Variants in DGKI observed in about 807,000 individuals in gnomAD.
The protein encoded by DGKI is DAG kinase iota.
In DGKI, 55 loss-of-function variants were observed where a neutral mutation model predicts 147.5. The observed-to-expected ratio is 0.37, with a 90% CI of 0.30 to 0.47. The LOEUF (loss-of-function observed/expected upper bound fraction) is 0.47. Ranked by LOEUF, DGKI falls within the 20% of genes least tolerant of loss-of-function variation. The pLI, the probability that DGKI is intolerant of heterozygous loss-of-function variation, is 1.00. For missense variants in DGKI, 1,007 were observed against 1,323.8 expected (o/e 0.76, Z 3.71); for synonymous variants, 469 against 477.1 (o/e 0.98, Z 0.22).
chr7:137,472,371 T>TATATGTATATATACATATAATA (rs1563040364), intron 23 of DGKI, among the ~76,000 whole-genome samples: 3 of 28,572 alleles, frequency 1.0e-4, no homozygotes, highest in Non-Finnish European at 2.1e-4. Flanking sequence ...TACATATAAT[T>TATATGTATATATACATATAATA]ATTATATGTA....
chr7:137,513,205 A>G (rs1816635627), intron 21 of DGKI, among the ~76,000 whole-genome samples: 1 of 152,168 alleles, frequency 6.6e-6, no homozygotes, highest in African/African-American at 2.4e-5. Flanking sequence ...AGCACCAAGT[A>G]CACCAAGCTA....
At position 137,846,706 on chromosome 7, in the gene DGKI, T is replaced by G; in HGVS notation, c.157A>C (p.Met53Leu). 1 of 1,037,716 alleles carries G rather than the reference T, an allele frequency of 9.6e-7. No homozygotes were observed. Among genetic ancestry groups the G allele is most frequent in the Non-Finnish European group, 1.2e-6 (1 of 863,546 alleles). 64.3% of individuals were successfully genotyped at this position (1,037,716 alleles called of 1,614,324 possible). The change falls in exon 1 of 33, where the codon ATG becomes CTG. Residue 53 changes from methionine (M) to leucine (L), a missense_variant. Physicochemically the swap from Met to Leu is conservative, Grantham distance 15 (BLOSUM62 2). Around this residue, in one of 5 missense-constraint regions of DGKI, gnomAD observed 137 missense variants for 114.4 expected, o/e 1.20. Coordinates refer to ENST00000614521, the MANE Select transcript of DGKI (RefSeq NM_001321708.2). This position sits in a 1 kb window ranked among gnomAD's most constrained non-coding sequence, Gnocchi z 4.0. ...APSAAAGAGAMNPSSSAGEEK... is the reference protein window; with the variant it reads ...APSAAAGAGALNPSSSAGEEK... ...TCTCCCGCCGAGGAGCTGGGGTTCA[T>G]GGCGCCCGCTCCGGCGGCCGCGGAG...
chr7:137,435,712 C>T (rs993317504), intron 28 of DGKI, among the ~76,000 whole-genome samples: 3 of 152,166 alleles, frequency 2.0e-5, no homozygotes, highest in African/African-American at 4.8e-5. Context: ...TGTACTGTGA[C>T]GCTCAGTACA....
intron 7 of DGKI, among the ~76,000 whole-genome samples, chr7:137,621,412 G>T (rs903867455): frequency 6.6e-6 from 1 of 152,114 alleles, no homozygotes; most frequent in Non-Finnish European, 1.5e-5. Context: ...GTACATCCAA[G>T]ATTGCACAGT....
chr7:137,680,904 T>C (rs575622607), intron 2 of DGKI, among the ~76,000 whole-genome samples: 4 of 152,190 alleles, frequency 2.6e-5, no homozygotes, highest in Non-Finnish European at 4.4e-5. Flanking sequence ...ACATTTTCCT[T>C]TCAGGGCCTA....
At chr7:137,595,363 A>G (rs1280152223) in intron 12 of DGKI, among the ~76,000 whole-genome samples, 1 of 152,220 alleles carries the variant, frequency 6.6e-6, no homozygotes, top group Non-Finnish European at 1.5e-5. Context: ...TTTGCCCCAC[A>G]TACTCTATTG....
At chr7:137,629,378 A>C (rs759239803) in intron 6 of DGKI, among the ~76,000 whole-genome samples, 1 of 152,238 alleles carries the variant, frequency 6.6e-6, no homozygotes, top group African/African-American at 2.4e-5. Context: ...ATGGGATAGC[A>C]ATAACATAGT....
chr7:137,522,795 T>C (rs182909906), intron 20 of DGKI, among the ~76,000 whole-genome samples: 1 of 152,210 alleles, frequency 6.6e-6, no homozygotes, highest in African/African-American at 2.4e-5. Flanking sequence ...AATAATTTGG[T>C]TTTCATCACC....
Position 137,381,811 on chromosome 7 carries a change from T to A in DGKI, c.*9409A>T, listed in dbSNP as rs1811067557. On this transcript the variant is annotated 3_prime_UTR_variant, in exon 33 of 33. Transcript: ENST00000614521. ...AGATGTGTTTTGCAAAATATTCTGTTGTGTTAGAATATTTTGTCTATGAGA... is the reference window on the plus strand; with the variant it reads ...AGATGTGTTTTGCAAAATATTCTGTAGTGTTAGAATATTTTGTCTATGAGA... The A allele has an allele frequency of 1.3e-5, 2 of 152,138 alleles. No individual in the cohort carries two copies. Among genetic ancestry groups the A allele is most frequent in the African/African-American group, 4.8e-5 (2 of 41,452 alleles). 9.4% of individuals were successfully genotyped at this position (152,138 alleles called of 1,614,324 possible).
intron 21 of DGKI, among the ~76,000 whole-genome samples, chr7:137,512,916 G>T (rs1816626220): frequency 6.6e-6 from 1 of 152,084 alleles, no homozygotes; most frequent in South Asian, 2.1e-4. Context: ...AAATTAGAAA[G>T]ACATAGAGTA....
At chr7:137,744,669 G>A (rs979584765) in intron 1 of DGKI, among the ~76,000 whole-genome samples, 14 of 152,046 alleles carry the variant, frequency 9.2e-5, no homozygotes, top group African/African-American at 3.1e-4. Flanking sequence ...ACTGAATCCA[G>A]CAGCATATCA....
At chr7:137,742,315 A>G (rs1274406241) in intron 1 of DGKI, among the ~76,000 whole-genome samples, 2 of 151,896 alleles carry the variant, frequency 1.3e-5, no homozygotes, top group African/African-American at 4.8e-5. Context: ...ATCCAAAAGG[A>G]TAAAAAAAAA....
chr7:137,660,465 T>C (rs116383128), intron 3 of DGKI, among the ~76,000 whole-genome samples: 1,948 of 152,284 alleles, frequency 0.013, 41 homozygotes, highest in African/African-American at 0.045. Context: ...GCATTGAAAG[T>C]AGTGACAGCT....
intron 5 of DGKI, among the ~76,000 whole-genome samples, chr7:137,650,942 TG>T (rs1419709491): frequency 6.6e-6 from 1 of 152,168 alleles, no homozygotes; most frequent in East Asian, 1.9e-4. Flanking sequence ...TCTTGGTATA[TG>T]CCTCATAAAT....
chr7:137,729,930 GTTTC>G (rs1794824073), intron 1 of DGKI, among the ~76,000 whole-genome samples: 1 of 152,142 alleles, frequency 6.6e-6, no homozygotes, highest in Admixed American at 6.5e-5. Context: ...AAACGTAGTG[GTTTC>G]TACCAACACT....
chr7:137,502,318 G>A (rs1395031662), intron 21 of DGKI, among the ~76,000 whole-genome samples: 1 of 152,078 alleles, frequency 6.6e-6, no homozygotes, highest in Non-Finnish European at 1.5e-5. Context: ...GACTTCCATT[G>A]CCTGCGATCT....
intron 3 of DGKI, 64 bp from the exon 4 acceptor site, chr7:137,656,604 G>A (rs1822233798): frequency 1.4e-6 from 2 of 1,435,152 alleles, no homozygotes; most frequent in Non-Finnish European, 2.0e-6. Flanking sequence ...GAGTTCCCTA[G>A]TATTAAAGTG....
intron 21 of DGKI, among the ~76,000 whole-genome samples, chr7:137,496,949 T>G (rs560330700): frequency 1.3e-5 from 2 of 151,716 alleles, no homozygotes; most frequent in African/African-American, 4.8e-5. Context: ...CAACAAAAAC[T>G]GACAAATAAG....
chr7:137,770,067 C>A (rs540299250), intron 1 of DGKI, among the ~76,000 whole-genome samples: 137 of 152,270 alleles, frequency 9.0e-4, no homozygotes, highest in Non-Finnish European at 1.6e-3. Flanking sequence ...AGACTTAGAA[C>A]CTACCCAAAT....
Sources: allele counts gnomAD v4.1 joint callset (sites outside exome capture counted in the v4.1 genomes callset), GRCh38; gene constraint gnomAD v4.1.1; regional missense constraint gnomAD v4.1.1; non-coding constraint Gnocchi (gnomAD v3.1); transcripts MANE v1.5; gene names NCBI Gene and HGNC (gene_info 2026-07-23, HGNC 2026-07-21).